SIL1: variants seen among roughly 807,000 people sequenced by gnomAD.
SIL1 encodes SIL1 nucleotide exchange factor, also known as nucleotide exchange factor SIL1.
In SIL1, 40 loss-of-function variants were observed where a neutral mutation model predicts 49.1. The ratio of observed to expected loss-of-function variants is 0.81; its 90% CI spans 0.63 to 1.06. The LOEUF (loss-of-function observed/expected upper bound fraction) is 1.06. SIL1 is among the 50% of genes least tolerant of loss of function. The pLI is 0.00. For synonymous variants in SIL1, 253 were observed against 250.8 expected (o/e 1.01, Z -0.08); for missense variants, 500 against 572.6 (o/e 0.87, Z 1.29).
intron 2 of SIL1, among the ~76,000 whole-genome samples, chr5:139,126,320 T>C (rs764480558): frequency 1.1e-4 from 17 of 152,212 alleles, no homozygotes; most frequent in Admixed American, 2.0e-4. Flanking sequence ...CCAGAATAAT[T>C]ATGCTCTGAA....
intron 1 of SIL1, among the ~76,000 whole-genome samples, chr5:139,135,667 GAGA>G (rs901228844): frequency 4.2e-5 from 6 of 141,814 alleles, no homozygotes; most frequent in Non-Finnish European, 9.0e-5. Context: ...CACTCCAGTA[GAGA>G]AGAATACAGA....
chr5:138,989,331 T>C (rs1166536084), intron 7 of SIL1, among the ~76,000 whole-genome samples: 2 of 152,110 alleles, frequency 1.3e-5, no homozygotes, highest in African/African-American at 2.4e-5. Flanking sequence ...GGCAGATCAC[T>C]TGAGGCCAGG....
intron 1 of SIL1, among the ~76,000 whole-genome samples, chr5:139,135,525 C>G (rs1750956347): frequency 6.6e-6 from 1 of 152,070 alleles, no homozygotes; most frequent in South Asian, 2.1e-4. Flanking sequence ...AAGAAGGGCT[C>G]CACAGGCCCA....
chr5:139,122,429 C>T (rs367871495), intron 2 of SIL1, among the ~76,000 whole-genome samples: 11 of 152,112 alleles, frequency 7.2e-5, no homozygotes, highest in African/African-American at 2.2e-4. Flanking sequence ...CCCACCTCTA[C>T]AAAAAATACA....
intron 7 of SIL1, among the ~76,000 whole-genome samples, chr5:138,993,073 A>G (rs570513475): frequency 1.3e-5 from 2 of 152,174 alleles, no homozygotes; most frequent in Admixed American, 6.5e-5. Flanking sequence ...TATAAAGACT[A>G]TATTTCTCGG....
chr5:138,969,528 C>T (rs914581630), intron 7 of SIL1, among the ~76,000 whole-genome samples: 8 of 152,210 alleles, frequency 5.3e-5, no homozygotes, highest in Non-Finnish European at 1.0e-4. Flanking sequence ...ACTCCACGCT[C>T]CACCAACCCC....
intron 3 of SIL1, among the ~76,000 whole-genome samples, chr5:139,057,009 T>C (rs1769462459): frequency 6.6e-6 from 1 of 152,152 alleles, no homozygotes; most frequent in South Asian, 2.1e-4. Context: ...TGTTGATGGG[T>C]GACCTTACCC....
intron 3 of SIL1, among the ~76,000 whole-genome samples, chr5:139,069,669 C>A (rs1769785655): frequency 6.6e-6 from 1 of 152,046 alleles, no homozygotes; most frequent in Non-Finnish European, 1.5e-5. Context: ...ACACTGTATA[C>A]CTAAGAATAC....
intron 3 of SIL1, among the ~76,000 whole-genome samples, chr5:139,072,369 C>T (rs973935718): frequency 3.3e-5 from 5 of 152,018 alleles, no homozygotes; most frequent in East Asian, 1.9e-4. Flanking sequence ...AAGTATATTG[C>T]GAATATAAAA....
intron 1 of SIL1, among the ~76,000 whole-genome samples, chr5:139,172,641 A>G (rs545718599): frequency 2.7e-4 from 41 of 152,082 alleles, no homozygotes; most frequent in African/African-American, 9.6e-4. Context: ...CAAAAAAAAA[A>G]AAAAAAGACA....
chr5:138,963,129 T>C (rs1767060675), intron 7 of SIL1, among the ~76,000 whole-genome samples: 1 of 152,148 alleles, frequency 6.6e-6, no homozygotes, highest in African/African-American at 2.4e-5. Flanking sequence ...GGTATAACTA[T>C]CCCCATGTCT....
chr5:138,956,657 C>T (rs372109224), intron 7 of SIL1, among the ~76,000 whole-genome samples: 1 of 151,560 alleles, frequency 6.6e-6, no homozygotes, highest in Non-Finnish European at 1.5e-5. Flanking sequence ...GCAGGAGAAT[C>T]GCTTGAACCC....
rs546773438 is a variant in SIL1 at position 139,189,448 on chromosome 5, G to A, written c.-11+8821C>T. ...TCTCCCATCACCCCCAGATGGGACCGTCTAGTTGCAGGAAAACAAGCTCAG... is the reference window on the plus strand; with the variant it reads ...TCTCCCATCACCCCCAGATGGGACCATCTAGTTGCAGGAAAACAAGCTCAG... On this transcript the variant is annotated intron_variant, in intron 1 of 9. Coordinates refer to ENST00000394817, the MANE Select transcript of SIL1 (RefSeq NM_022464.5). Among the ~76,000 whole-genome samples the A allele has an allele frequency of 5.8e-4, 89 of 152,248 alleles. 3 individuals are homozygous for A. Among genetic ancestry groups the A allele is most frequent in the South Asian group, 2.1e-4 (1 of 4,820 alleles).
At chr5:139,195,684 G>A (rs566377257) in intron 1 of SIL1, among the ~76,000 whole-genome samples, 46 of 152,340 alleles carry the variant, frequency 3.0e-4, no homozygotes, top group African/African-American at 1.1e-3. Context: ...ACCATGCCCG[G>A]CCCTATTCCC....
At chr5:139,063,714 T>G (rs1159786011) in intron 3 of SIL1, among the ~76,000 whole-genome samples, 1 of 152,238 alleles carries the variant, frequency 6.6e-6, no homozygotes, top group Non-Finnish European at 1.5e-5. Context: ...GCACCACTAC[T>G]GCTCATTTTC....
chr5:139,145,439 A>C (rs1351998212), intron 1 of SIL1, among the ~76,000 whole-genome samples: 2 of 152,230 alleles, frequency 1.3e-5, no homozygotes, highest in African/African-American at 4.8e-5. Flanking sequence ...GCTAAACATA[A>C]AATTACCATA....
chr5:139,148,439 C>T (rs992307962), intron 1 of SIL1, among the ~76,000 whole-genome samples: 1 of 152,238 alleles, frequency 6.6e-6, no homozygotes, highest in African/African-American at 2.4e-5. Flanking sequence ...TCTCCTGCCA[C>T]AGTAGGCTCC....
intron 7 of SIL1, among the ~76,000 whole-genome samples, chr5:138,982,900 A>G (rs1767558793): frequency 6.6e-6 from 1 of 152,206 alleles, no homozygotes; most frequent in African/African-American, 2.4e-5. Context: ...TGTGCCATCA[A>G]GAATCACACC....
intron 3 of SIL1, among the ~76,000 whole-genome samples, chr5:139,119,722 T>A (rs765559601): frequency 1.8e-4 from 28 of 152,198 alleles, no homozygotes; most frequent in Middle Eastern, 3.4e-3. Context: ...GATCGCAACA[T>A]GGCACTCCAG....
Sources: allele counts gnomAD v4.1 joint callset (sites outside exome capture counted in the v4.1 genomes callset), GRCh38; gene constraint gnomAD v4.1.1; transcripts MANE v1.5; gene names NCBI Gene and HGNC (gene_info 2026-07-23, HGNC 2026-07-21).